The following DCTN5 variants were observed in gnomAD, a reference collection of about 807,000 sequenced individuals.
The protein encoded by DCTN5 is dynactin 4.
In DCTN5, 14 loss-of-function variants were observed where a neutral mutation model predicts 23.5. The ratio of observed to expected loss-of-function variants is 0.60; its 90% CI spans 0.39 to 0.93. The LOEUF is 0.93. Ranked by LOEUF, DCTN5 falls within the 40% of genes least tolerant of loss-of-function variation. The pLI is 0.00. For missense variants in DCTN5, 156 were observed against 225.9 expected, an observed-to-expected ratio of 0.69 and a Z score of 1.98; for synonymous variants, 67 against 79.6, an observed-to-expected ratio of 0.84 and a Z score of 0.84.
chr16:23,642,159 T>C (rs994575904), intron 1 of DCTN5, among the ~76,000 whole-genome samples: 1 of 152,086 alleles, frequency 6.6e-6, no homozygotes, highest in Non-Finnish European at 1.5e-5. Flanking sequence ...TCCCTAACTC[T>C]TGACCTCAGG....
chr16:23,653,589 T>C (rs1234882848), intron 2 of DCTN5, among the ~76,000 whole-genome samples: 2 of 152,058 alleles, frequency 1.3e-5, no homozygotes, highest in East Asian at 3.8e-4. Context: ...AACCCAAAAC[T>C]GTAAAAATCC....
chr16:23,666,597 TA>T (rs1967910902), intron 5 of DCTN5: 1 of 189,632 alleles, frequency 5.3e-6, no homozygotes, highest in South Asian at 1.1e-4. Context: ...TCATGTAGCA[TA>T]TACAGAGGCA....
At chr16:23,645,083 CTATATATATATATATATA>C (rs869302728) in intron 2 of DCTN5, among the ~76,000 whole-genome samples, 63 of 33,114 alleles carry the variant, frequency 1.9e-3, no homozygotes, top group Non-Finnish European at 2.3e-3. Flanking sequence ...CCCAGCCTAA[CTATATATATATATATATA>C]TATATATATA....
chr16:23,656,402 T>C (rs1179898398), intron 2 of DCTN5, among the ~76,000 whole-genome samples: 1 of 152,186 alleles, frequency 6.6e-6, no homozygotes, highest in Non-Finnish European at 1.5e-5. Context: ...GCTGCACACA[T>C]TGTATTTGGT....
rs937289215 is a variant in DCTN5, at chr16:23,667,466, C to T, written c.*322C>T. On this transcript the variant is annotated 3_prime_UTR_variant, in exon 6 of 6. Transcript: ENST00000300087. The stretch of plus-strand genomic sequence containing the variant: ...CTTGGTCCTGTGGATGGCTGGATCC[C>T]GCCTGAAACGGACCTGCAGAGCAGC... The T allele has an allele frequency of 2.7e-5, 8 of 293,382 alleles. No homozygotes were observed. Among genetic ancestry groups the T allele is most frequent in the African/African-American group, 4.2e-5 (2 of 47,108 alleles). The allele number at this position is 293,382 out of a possible 1,614,324, so 18.2% of individuals were successfully genotyped here. A position where few individuals can be genotyped will look rare whatever the true frequency, so the allele number is the denominator to read the frequency against.
At chr16:23,658,696 A>T in intron 3 of DCTN5, 71 bp downstream of exon 3, 1 of 1,192,848 alleles carries the variant, frequency 8.4e-7, no homozygotes, top group South Asian at 1.2e-5. Flanking sequence ...CCATGTGTTG[A>T]GTTGTGGTAT....
At chr16:23,658,436 C>T (rs761659761) in intron 2 of DCTN5, 71 bp from the exon 3 acceptor site, 31 of 966,120 alleles carry the variant, frequency 3.2e-5, no homozygotes, top group African/African-American at 8.1e-5. Context: ...ATCAGTATCT[C>T]GTTATCTACT....
intron 2 of DCTN5, chr16:23,651,174 A>G (rs1967597615): frequency 5.5e-6 from 6 of 1,098,524 alleles, no homozygotes; most frequent in Non-Finnish European, 5.6e-6. Context: ...TAGTCCTTCA[A>G]CCTCCACTTT....
chr16:23,642,978 C>G lies in DCTN5; in HGVS notation c.72C>G (p.Arg24=). 1 of 1,614,122 alleles carries G rather than the reference C, an allele frequency of 6.2e-7. No individual in the cohort carries two copies. The highest frequency in any genetic ancestry group is 8.5e-7 in the Non-Finnish European group (1 of 1,179,996). The change falls in exon 2 of 6, where the codon CGC becomes CGG. Residue 24 remains arginine, a synonymous_variant. Transcript: ENST00000300087. The part of the protein sequence containing the change: ...IETASGNKVS[R]QSVLCGSQNI... The stretch of plus-strand genomic sequence containing the variant: ...AGGCATCTGGGAACAAAGTCAGTCG[C>G]CAGTCAGTGTTGTGTGGAAGCCAGA...
rs566922965 is a variant in DCTN5 at position 23,651,612 on chromosome 16, C to G, written c.118-6895C>G. On this transcript the variant is annotated intron_variant, in intron 2 of 5. Coordinates refer to ENST00000300087, the MANE Select transcript of DCTN5 (RefSeq NM_032486.4). Reference sequence around the variant, plus strand: ...CCAAAAGAAAAGGAAGCCATTTTCTCTGATTGTAGGTGGAAACATGAAACT... The same window carrying G: ...CCAAAAGAAAAGGAAGCCATTTTCTGTGATTGTAGGTGGAAACATGAAACT... 2.0e-5 allele frequency among the ~76,000 whole-genome samples: 3 copies of G among 152,316 alleles called. No homozygotes were observed. The South Asian group carries it at 6.2e-4, about 32-fold the overall frequency.
intron 4 of DCTN5, among the ~76,000 whole-genome samples, chr16:23,665,311 A>T (rs904202886): frequency 4.6e-5 from 7 of 152,242 alleles, no homozygotes; most frequent in African/African-American, 1.7e-4. Flanking sequence ...ATGCTGGACA[A>T]GCAAAAGCAC....
rs1028415575 is a variant in DCTN5, at chr16:23,675,089, A to G, written c.*7945A>G. The stretch of plus-strand genomic sequence containing the variant: ...ACAGGTAGATGGTTAGGGCTTCAGC[A>G]TGAATTTTTGTGGGGACATAATTCA... On this transcript the variant is annotated 3_prime_UTR_variant, in exon 6 of 6. Coordinates refer to ENST00000300087, the MANE Select transcript of DCTN5 (RefSeq NM_032486.4). 1 of 152,212 alleles carries G rather than the reference A, an allele frequency of 6.6e-6. No homozygotes were observed. The highest frequency in any genetic ancestry group is 2.4e-5 in the African/African-American group (1 of 41,454). 9.4% of individuals were successfully genotyped at this position (152,212 alleles called of 1,614,324 possible).
chr16:23,642,774 A>G (rs1345305988), intron 1 of DCTN5, 181 bp from the exon 2 acceptor site: 1 of 598,722 alleles, frequency 1.7e-6, no homozygotes, highest in Non-Finnish European at 3.0e-6. Flanking sequence ...GGCATGAGCC[A>G]CCATACTCAG....
intron 2 of DCTN5, among the ~76,000 whole-genome samples, chr16:23,645,138 T>TATA (rs1250036929): frequency 2.8e-5 from 1 of 35,144 alleles, no homozygotes; most frequent in Non-Finnish European, 5.2e-5. Flanking sequence ...TATATATATA[T>TATA]TTTTTTTTTT....
At chr16:23,648,301 C>T (rs139561074) in intron 2 of DCTN5, among the ~76,000 whole-genome samples, 4 of 150,574 alleles carry the variant, frequency 2.7e-5, no homozygotes, top group East Asian at 3.9e-4. Context: ...GCTTATGCTA[C>T]GGGCATGCAC....
At chr16:23,652,086 A>G (rs1408207188) in intron 2 of DCTN5, among the ~76,000 whole-genome samples, 2 of 152,328 alleles carry the variant, frequency 1.3e-5, no homozygotes, top group Non-Finnish European at 2.9e-5. Context: ...CTTCATAATC[A>G]GCAGCAGATG....
At chr16:23,645,120 TATA>T (rs1967417558) in intron 2 of DCTN5, among the ~76,000 whole-genome samples, 7 of 43,054 alleles carry the variant, frequency 1.6e-4, no homozygotes, top group African/African-American at 6.6e-4. Flanking sequence ...TATATATATA[TATA>T]TATATATATA....
intron 2 of DCTN5, among the ~76,000 whole-genome samples, chr16:23,655,179 T>C (rs187659621): frequency 1.9e-4 from 29 of 152,310 alleles, no homozygotes; most frequent in African/African-American, 6.5e-4. Flanking sequence ...TTTTTATAGC[T>C]AAATATTATC....
rs1373320478 is a variant in DCTN5, at chr16:23,670,743, C to A, written c.*3599C>A. Reference sequence around the variant, plus strand: ...TCTCAGCAAAATGTCTCGCCAACTTCTACAGTTCCCATAAGTACATGATAA... The same window carrying A: ...TCTCAGCAAAATGTCTCGCCAACTTATACAGTTCCCATAAGTACATGATAA... On this transcript the variant is annotated 3_prime_UTR_variant, in exon 6 of 6. Coordinates refer to ENST00000300087, the MANE Select transcript of DCTN5 (RefSeq NM_032486.4). 6.6e-5 allele frequency: 10 copies of A among 152,208 alleles called. No individual in the cohort carries two copies. In the East Asian group the frequency reaches 1.9e-3, roughly 29 times the overall value. The allele number at this position is 152,208 out of a possible 1,614,324, so 9.4% of individuals were successfully genotyped here. A position where few individuals can be genotyped will look rare whatever the true frequency, so the allele number is the denominator to read the frequency against.
Sources: gnomAD v4.1 joint callset for allele counts (sites outside exome capture counted in the v4.1 genomes callset) on GRCh38, gnomAD v4.1.1 for gene constraint, MANE v1.5 for transcripts, NCBI Gene and HGNC (gene_info 2026-07-23, HGNC 2026-07-21) for gene names.